BCKDHB: variants seen among roughly 807,000 people sequenced by gnomAD.
BCKDHB encodes 2-oxoisovalerate dehydrogenase subunit beta, mitochondrial.
BCKDHB carries 41 observed loss-of-function variants against 48.5 expected under a neutral mutation model. That is an observed-to-expected ratio of 0.85 (90% CI 0.66 to 1.10). BCKDHB has a LOEUF of 1.10. Ranked by LOEUF, BCKDHB falls within the 50% of genes least tolerant of loss-of-function variation. The pLI is 0.00. For missense variants in BCKDHB, 496 were observed against 494.2 expected, an observed-to-expected ratio of 1.00 and a Z score of -0.03; for synonymous variants, 201 against 174.8, an observed-to-expected ratio of 1.15 and a Z score of -1.18.
chr6:80,313,351 G>T (rs529146043), intron 9 of BCKDHB, among the ~76,000 whole-genome samples: 1 of 151,944 alleles, frequency 6.6e-6, no homozygotes, highest in Admixed American at 6.6e-5. Context: ...AGTGTAGCTA[G>T]TGGTTTTGTT....
At chr6:80,356,962 C>CCG in the BCKDHB span, 1 of 101,144 alleles carries the variant, frequency 9.9e-6, no homozygotes, top group Non-Finnish European at 2.1e-5. Context: ...GCCCCCCCCC[C>CCG]ACACACACGA....
At chr6:80,346,410 T>A (rs1264364272), downstream of BCKDHB, 1 of 152,182 alleles carries the variant, frequency 6.6e-6, no homozygotes, top group Non-Finnish European at 1.5e-5. Flanking sequence ...TTTATTGTAT[T>A]TGGTTCAGTT....
chr6:80,213,941 C>T (rs547770234), intron 8 of BCKDHB, among the ~76,000 whole-genome samples: 98 of 152,116 alleles, frequency 6.4e-4, no homozygotes, highest in Non-Finnish European at 1.3e-3. Flanking sequence ...AGAAGTAATT[C>T]AGCTGTGGCA....
the BCKDHB span, among the ~76,000 whole-genome samples, chr6:80,352,849 A>G: frequency 8.7e-4 from 132 of 152,362 alleles, 1 homozygote; most frequent in Middle Eastern, 0.017. Context: ...TAGGCCAGAA[A>G]AATGAGCAGT....
chr6:80,370,184 A>G, the BCKDHB span, among the ~76,000 whole-genome samples: 1 of 152,186 alleles, frequency 6.6e-6, no homozygotes, highest in Non-Finnish European at 1.5e-5. Flanking sequence ...AGAGGACAAT[A>G]TAACATAGTA....
At chr6:80,135,976 T>A (rs986639998) in intron 3 of BCKDHB, 1 of 152,228 alleles carries the variant, frequency 6.6e-6, no homozygotes, top group African/African-American at 2.4e-5. Flanking sequence ...GGTTTATTGA[T>A]GTTTCAGCAT....
chr6:80,388,270 G>C, the BCKDHB span, among the ~76,000 whole-genome samples: 1 of 152,178 alleles, frequency 6.6e-6, no homozygotes, highest in Non-Finnish European at 1.5e-5. Context: ...CCAGTGGATC[G>C]AATGATGTTT....
At chr6:80,455,051 C>T in the BCKDHB span, among the ~76,000 whole-genome samples, 16 of 152,104 alleles carry the variant, frequency 1.1e-4, no homozygotes, top group African/African-American at 1.4e-4. Flanking sequence ...GAGACCATTC[C>T]GGCCTCCTCT....
chr6:80,392,026 T>C, the BCKDHB span, among the ~76,000 whole-genome samples: 1 of 152,154 alleles, frequency 6.6e-6, no homozygotes, highest in South Asian at 2.1e-4. Flanking sequence ...GGAGTCCCAC[T>C]CTGTTGCCCA....
intron 8 of BCKDHB, among the ~76,000 whole-genome samples, chr6:80,224,776 G>A (rs570789437): frequency 1.5e-4 from 23 of 152,260 alleles, no homozygotes; most frequent in Non-Finnish European, 3.1e-4. Flanking sequence ...TTTTACAACT[G>A]AGTCAGTTTT....
chr6:80,169,985 T>A (rs1772821529), intron 5 of BCKDHB: 1 of 1,241,948 alleles, frequency 8.1e-7, no homozygotes, highest in Non-Finnish European at 1.0e-6. Flanking sequence ...GAACAGATCT[T>A]TTCTGTCTGT....
chr6:80,133,483 T>C (rs1265625429), intron 3 of BCKDHB, among the ~76,000 whole-genome samples: 1 of 152,168 alleles, frequency 6.6e-6, no homozygotes, highest in Non-Finnish European at 1.5e-5. Flanking sequence ...CTCATCAACA[T>C]TGCATTCCAA....
the BCKDHB span, among the ~76,000 whole-genome samples, chr6:80,394,981 G>A: frequency 6.6e-6 from 1 of 152,134 alleles, no homozygotes; most frequent in Admixed American, 6.5e-5. Flanking sequence ...CCTTGTGAAG[G>A]AGGACGTGTT....
intron 3 of BCKDHB, among the ~76,000 whole-genome samples, chr6:80,138,332 A>G (rs951875617): frequency 1.2e-3 from 189 of 151,916 alleles, no homozygotes; most frequent in African/African-American, 4.4e-3. Flanking sequence ...TAGGGTACAT[A>G]TGCACAATGT....
rs111405828 is a variant in BCKDHB at position 80,159,616 on chromosome 6, C to T, written c.344-8062C>T. Among the ~76,000 whole-genome samples the T allele has an allele frequency of 2.0e-5, 3 of 152,082 alleles. No individual in the cohort carries two copies. The East Asian group carries it at 5.8e-4, about 29-fold the overall frequency. On this transcript the variant is annotated intron_variant, in intron 3 of 9. Coordinates refer to ENST00000320393, the MANE Select transcript of BCKDHB (RefSeq NM_183050.4). Reference sequence around the variant, plus strand: ...GCTTTAGTTGACCCTAAAACAAATGCGTTTTATCTTTATCAAATTTTTCAT... The same window carrying T: ...GCTTTAGTTGACCCTAAAACAAATGTGTTTTATCTTTATCAAATTTTTCAT...
intron 8 of BCKDHB, among the ~76,000 whole-genome samples, chr6:80,232,634 G>T (rs949850460): frequency 2.0e-5 from 3 of 147,250 alleles, no homozygotes; most frequent in Non-Finnish European, 3.0e-5. Context: ...TTATGGTATG[G>T]TTACTATGTA....
intron 9 of BCKDHB, among the ~76,000 whole-genome samples, chr6:80,273,488 G>A (rs1288515695): frequency 6.6e-6 from 1 of 151,968 alleles, no homozygotes; most frequent in Non-Finnish European, 1.5e-5. Context: ...AGAAAGTTTG[G>A]AATGAGTCTA....
the BCKDHB span, among the ~76,000 whole-genome samples, chr6:80,430,009 A>G: frequency 3.9e-5 from 6 of 152,106 alleles, no homozygotes; most frequent in Non-Finnish European, 1.5e-5. Context: ...GTTTGTCATA[A>G]ATAGCTCTTA....
the BCKDHB span, among the ~76,000 whole-genome samples, chr6:80,352,659 T>C: frequency 6.6e-6 from 1 of 152,236 alleles, no homozygotes; most frequent in South Asian, 2.1e-4. Flanking sequence ...AAGTATACTT[T>C]GGGAAAACCC....
Sources: gnomAD v4.1 joint callset for allele counts (sites outside exome capture counted in the v4.1 genomes callset) on GRCh38, gnomAD v4.1.1 for gene constraint, MANE v1.5 for transcripts, NCBI Gene and HGNC (gene_info 2026-07-23, HGNC 2026-07-21) for gene names.